Variants in CCSER1 observed in about 807,000 individuals in gnomAD.
CCSER1 encodes the protein coiled-coil serine rich protein 1, also known as serine-rich coiled-coil domain-containing protein 1.
Under a neutral mutation model 82.0 loss-of-function variants are expected in CCSER1, and 41 were observed. That is an observed-to-expected ratio of 0.50 (90% CI 0.39 to 0.65). CCSER1 has a LOEUF of 0.65. Ranked by LOEUF, CCSER1 falls within the 30% of genes least tolerant of loss-of-function variation. CCSER1 has a pLI of 0.00. For synonymous variants in CCSER1, 414 were observed against 383.9 expected (o/e 1.08, Z -0.92); for missense variants, 1,119 against 1,064.2 (o/e 1.05, Z -0.72).
intron 8 of CCSER1, among the ~76,000 whole-genome samples, chr4:90,839,743 G>A (rs983612854): frequency 1.3e-5 from 2 of 152,108 alleles, no homozygotes; most frequent in Admixed American, 6.5e-5. Context: ...TTGAAGTAAA[G>A]GTGCAGAAGA....
chr4:91,170,803 A>G (rs537507911), intron 10 of CCSER1, among the ~76,000 whole-genome samples: 30 of 152,330 alleles, frequency 2.0e-4, no homozygotes, highest in African/African-American at 7.0e-4. Context: ...ACCAGCAAGG[A>G]ACCCACCATA....
At chr4:90,611,191 G>A (rs750331727) in intron 5 of CCSER1, among the ~76,000 whole-genome samples, 15 of 150,252 alleles carry the variant, frequency 1.0e-4, no homozygotes, top group Admixed American at 5.3e-4. Flanking sequence ...GAGCCACCGC[G>A]CCCAGCCCAG....
intron 4 of CCSER1, among the ~76,000 whole-genome samples, chr4:90,454,520 A>T (rs1052665063): frequency 2.0e-5 from 3 of 152,168 alleles, no homozygotes; most frequent in Non-Finnish European, 2.9e-5. Context: ...AGTAATTAAG[A>T]GGCTTAGTTC....
At chr4:90,517,612 A>G (rs1260752430) in intron 5 of CCSER1, among the ~76,000 whole-genome samples, 1 of 152,150 alleles carries the variant, frequency 6.6e-6, no homozygotes, top group African/African-American at 2.4e-5. Context: ...AGAGGCATAC[A>G]TTTGGGAGCC....
intron 1 of CCSER1, among the ~76,000 whole-genome samples, chr4:90,275,058 C>G (rs1474491599): frequency 6.6e-6 from 1 of 152,096 alleles, no homozygotes; most frequent in African/African-American, 2.4e-5. Context: ...ATTGTAATCT[C>G]TTTCTAACTT....
chr4:90,462,364 G>A (rs1176336566), intron 4 of CCSER1, among the ~76,000 whole-genome samples: 1 of 152,174 alleles, frequency 6.6e-6, no homozygotes, highest in African/African-American at 2.4e-5. Context: ...TTTTGACAAG[G>A]ATGGGATTTC....
chr4:90,289,852 A>C (rs182799746), intron 1 of CCSER1, among the ~76,000 whole-genome samples: 2 of 151,872 alleles, frequency 1.3e-5, no homozygotes, highest in East Asian at 3.9e-4. Context: ...TAATAGTTAA[A>C]TTTCTTATGG....
intron 5 of CCSER1, among the ~76,000 whole-genome samples, chr4:90,616,116 C>T: frequency 6.6e-6 from 1 of 152,112 alleles, no homozygotes; most frequent in East Asian, 1.9e-4. Flanking sequence ...GTTTTTTAGA[C>T]ATAATGCTAT....
chr4:91,514,011 T>G (rs1235672521), intron 10 of CCSER1, among the ~76,000 whole-genome samples: 1 of 152,112 alleles, frequency 6.6e-6, no homozygotes, highest in African/African-American at 2.4e-5. Context: ...TGTGGTTAGT[T>G]TGTTCTTGTT....
intron 10 of CCSER1, among the ~76,000 whole-genome samples, chr4:91,583,690 C>T (rs1763846764): frequency 6.6e-6 from 1 of 151,444 alleles, no homozygotes; most frequent in Non-Finnish European, 1.5e-5. Flanking sequence ...TTGTGCATTA[C>T]ACTAAGTAGT....
At chr4:91,052,054 A>G (rs1743053010) in intron 9 of CCSER1, among the ~76,000 whole-genome samples, 1 of 152,102 alleles carries the variant, frequency 6.6e-6, no homozygotes, top group African/African-American at 2.4e-5. Flanking sequence ...AGAAAATACA[A>G]GATAATTATT....
chr4:90,645,262 A>G (rs1727351133), intron 6 of CCSER1, among the ~76,000 whole-genome samples: 2 of 152,150 alleles, frequency 1.3e-5, no homozygotes, highest in African/African-American at 4.8e-5. Flanking sequence ...ACGTTTACCT[A>G]GGTTTTAAAA....
At chr4:91,526,002 C>T (rs543981837) in intron 10 of CCSER1, among the ~76,000 whole-genome samples, 1 of 152,180 alleles carries the variant, frequency 6.6e-6, no homozygotes, top group Non-Finnish European at 1.5e-5. Flanking sequence ...AATATATTTA[C>T]TTTTCCTATC....
At chr4:91,102,649 A>T (rs1264680825) in intron 10 of CCSER1, among the ~76,000 whole-genome samples, 3 of 152,240 alleles carry the variant, frequency 2.0e-5, no homozygotes, top group Non-Finnish European at 4.4e-5. Flanking sequence ...AAAACAAATG[A>T]TAATATTTAT....
At chr4:91,187,765 C>A (rs981706611) in intron 10 of CCSER1, among the ~76,000 whole-genome samples, 5 of 152,070 alleles carry the variant, frequency 3.3e-5, no homozygotes, top group Non-Finnish European at 7.4e-5. Context: ...ATTGGCCAGG[C>A]TGGTCTCAAA....
At chr4:91,492,088 T>C (rs1758579452) in intron 10 of CCSER1, among the ~76,000 whole-genome samples, 1 of 152,048 alleles carries the variant, frequency 6.6e-6, no homozygotes, top group Non-Finnish European at 1.5e-5. Flanking sequence ...TGTACCACTA[T>C]TTAATTAGCA....
At chr4:90,362,650 T>G (rs1249783386) in intron 3 of CCSER1, among the ~76,000 whole-genome samples, 2 of 152,156 alleles carry the variant, frequency 1.3e-5, no homozygotes, top group East Asian at 3.9e-4. Context: ...TTCTTTCCTT[T>G]TCCGCTGGCT....
chr4:90,950,855 C>A (rs1561410033), intron 9 of CCSER1, among the ~76,000 whole-genome samples: 1 of 152,032 alleles, frequency 6.6e-6, no homozygotes, highest in Non-Finnish European at 1.5e-5. Context: ...TCTTTTGTCC[C>A]ATACTTTTAG....
chr4:90,267,992 T>C (rs1725546612), intron 1 of CCSER1, among the ~76,000 whole-genome samples: 1 of 152,154 alleles, frequency 6.6e-6, no homozygotes, highest in Non-Finnish European at 1.5e-5. Context: ...GATAGGAATA[T>C]GGCATATTTA....
Sources: gnomAD v4.1 joint callset for allele counts (sites outside exome capture counted in the v4.1 genomes callset) on GRCh38, gnomAD v4.1.1 for gene constraint, MANE v1.5 for transcripts, NCBI Gene and HGNC (gene_info 2026-07-23, HGNC 2026-07-21) for gene names.